Variants in COL4A3 observed in about 807,000 individuals in gnomAD.
COL4A3 encodes collagen alpha-3(IV) chain.
COL4A3 carries 135 observed loss-of-function variants against 217.4 expected under a neutral mutation model. The ratio of observed to expected loss-of-function variants is 0.62; its 90% CI spans 0.54 to 0.72. The LOEUF (loss-of-function observed/expected upper bound fraction) is 0.72, where lower values mean the gene tolerates loss of function less well. Ranked by LOEUF, COL4A3 falls within the 30% of genes least tolerant of loss-of-function variation. COL4A3 has a pLI of 0.00. For synonymous variants in COL4A3, 690 were observed against 736.3 expected (o/e 0.94, Z 1.02); for missense variants, 1,868 against 2,119.9 (o/e 0.88, Z 2.33).
At chr2:227,306,815 G>A (rs1270551605) in intron 47 of COL4A3, among the ~76,000 whole-genome samples, 1 of 152,084 alleles carries the variant, frequency 6.6e-6, no homozygotes, top group African/African-American at 2.4e-5. Flanking sequence ...TCTAACCATC[G>A]CTGTTTTCTC....
rs773021303 is a variant in COL4A3 at position 227,277,440 on chromosome 2, G to C, written c.2021-9G>C. The C allele has an allele frequency of 3.2e-6, 5 of 1,581,026 alleles. No homozygotes were observed. In the Middle Eastern group the frequency reaches 5.0e-4, roughly 158 times the overall value. ...GATGTGGAGATGCATATGTGTATTT[G>C]TTTCTAAGGTATCCCTGGATCCCTG... On this transcript the variant is annotated splice_polypyrimidine_tract_variant and intron_variant, in intron 27 of 51. Coordinates refer to ENST00000396578, the MANE Select transcript of COL4A3 (RefSeq NM_000091.5).
chr2:227,228,090 C>A (rs189355665), intron 1 of COL4A3, among the ~76,000 whole-genome samples: 19 of 152,324 alleles, frequency 1.2e-4, no homozygotes, highest in East Asian at 5.8e-4. Flanking sequence ...TCCAGAAAAT[C>A]AAAAACGGGT....
At chr2:227,232,693 A>G (rs1466077904) in intron 1 of COL4A3, among the ~76,000 whole-genome samples, 1 of 152,052 alleles carries the variant, frequency 6.6e-6, no homozygotes, top group Non-Finnish European at 1.5e-5. Flanking sequence ...GTCTATTCAA[A>G]TCTTTTGCCC....
rs765128550 is a variant in COL4A3, at chr2:227,293,192, G to A, written c.3212G>A (p.Gly1071Glu). ...TAAAGGTATTTGACTACATTTAAGGGGGATCCAGGACTGCCGGGTGATATG... is the reference window on the plus strand; with the variant it reads ...TAAAGGTATTTGACTACATTTAAGGAGGATCCAGGACTGCCGGGTGATATG... ...GTRPGPPGPT[G>E]DPGLPGDMGK... The change falls in exon 38 of 52, where the codon GGG (glycine) becomes GAG (glutamate). Residue 1071 changes from glycine (G) to glutamate (E), a missense_variant and splice_region_variant. By Grantham distance (98) the Gly-to-Glu change is moderately conservative. This residue lies in a region of COL4A3 where 1,503 missense variants were observed against 1,786.1 expected (regional missense o/e 0.84). Transcript: ENST00000396578. The A allele has an allele frequency of 6.2e-7, 1 of 1,613,848 alleles. No homozygotes were observed. Among genetic ancestry groups the A allele is most frequent in the South Asian group, 1.1e-5 (1 of 91,062 alleles).
chr2:227,275,443 A>T (rs1299468916), intron 26 of COL4A3, among the ~76,000 whole-genome samples: 1 of 152,162 alleles, frequency 6.6e-6, no homozygotes, highest in African/African-American at 2.4e-5. Context: ...GGTCTCCCAA[A>T]GTTCTGGGAT....
intron 1 of COL4A3, among the ~76,000 whole-genome samples, chr2:227,193,951 G>GAGGA (rs201604361): frequency 1.3e-4 from 1 of 7,536 alleles, no homozygotes; most frequent in Non-Finnish European, 2.6e-4. Flanking sequence ...GAGAGGGAGG[G>GAGGA]AGGAAGGAAG....
chr2:227,240,143 G>C lies in COL4A3; in HGVS notation c.145G>C (p.Gly49Arg). The change falls in exon 3 of 52, where the codon GGG becomes CGG. Residue 49 changes from glycine to arginine, a missense_variant and splice_region_variant. By Grantham distance (125) the Gly-to-Arg change is moderately radical. Coordinates refer to ENST00000396578, the MANE Select transcript of COL4A3 (RefSeq NM_000091.5). ...TCTCACCTCGTTTTGGTTTTAACAG[G>C]GGGAGAAGGGCTTTCCTGGACCCCC... ...CFCDGAKGEKGEKGFPGPPGS... is the reference protein window; with the variant it reads ...CFCDGAKGEKREKGFPGPPGS... 1 of 1,605,938 alleles carries C rather than the reference G, an allele frequency of 6.2e-7. No individual in the cohort carries two copies. The highest frequency in any genetic ancestry group is 8.5e-7 in the Non-Finnish European group (1 of 1,176,308).
intron 1 of COL4A3, among the ~76,000 whole-genome samples, chr2:227,203,173 ATGTG>A (rs1392379073): frequency 4.1e-5 from 1 of 24,506 alleles, no homozygotes; most frequent in African/African-American, 2.3e-4. Context: ...ATGTGTATAT[ATGTG>A]TATATGTGTG....
chr2:227,298,060 G>A (rs1387342129), intron 42 of COL4A3, among the ~76,000 whole-genome samples: 1 of 152,084 alleles, frequency 6.6e-6, no homozygotes, highest in African/African-American at 2.4e-5. Flanking sequence ...ATAAATTAAC[G>A]AGCCTGGCTG....
chr2:227,243,772 A>G (rs1433563745), intron 3 of COL4A3, among the ~76,000 whole-genome samples: 3 of 152,220 alleles, frequency 2.0e-5, no homozygotes, highest in African/African-American at 7.2e-5. Flanking sequence ...TGCCCAAAGC[A>G]AGTTTATCTC....
chr2:227,243,276 A>T (rs937762055), intron 3 of COL4A3, among the ~76,000 whole-genome samples: 1 of 152,260 alleles, frequency 6.6e-6, no homozygotes, highest in Non-Finnish European at 1.5e-5. Context: ...TGTAAGGCTT[A>T]CAGATATGTA....
Position 227,269,961 on chromosome 2 carries a change from C to T in COL4A3, c.1556C>T (p.Thr519Ile). The T allele has an allele frequency of 6.2e-7, 1 of 1,613,674 alleles. No individual in the cohort carries two copies. The highest frequency in any genetic ancestry group is 8.5e-7 in the Non-Finnish European group (1 of 1,179,688). ...LKGSPGSPGNTGLPGFPGFPG... is the reference protein window; with the variant it reads ...LKGSPGSPGNIGLPGFPGFPG... ...GGAAGCCCAGGGTCCCCAGGAAATA[C>T]AGGTCTTCCAGGATTTCCAGTAAGA... Residue 519 changes from threonine to isoleucine, a missense_variant, in exon 24 of 52, where the codon ACA becomes ATA. By Grantham distance (89) the Thr-to-Ile change is moderately conservative. Around this residue, in one of 2 missense-constraint regions of COL4A3, gnomAD observed 1,503 missense variants for 1,786.1 expected, o/e 0.84. Transcript: ENST00000396578.
chr2:227,303,976 C>G, intron 45 of COL4A3, 43 bp from the exon 46 acceptor site: 1 of 1,614,240 alleles, frequency 6.2e-7, no homozygotes, highest in African/African-American at 1.3e-5. Flanking sequence ...AAAGGTAACA[C>G]ATCCGTGAGG....
intron 1 of COL4A3, among the ~76,000 whole-genome samples, chr2:227,198,569 C>CT (rs1306498936): frequency 2.6e-5 from 4 of 152,058 alleles, no homozygotes; most frequent in African/African-American, 9.7e-5. Flanking sequence ...TTCATCCAGT[C>CT]TTTTTTTAAA....
chr2:227,188,831 A>T (rs1259326129), intron 1 of COL4A3, among the ~76,000 whole-genome samples: 1 of 152,208 alleles, frequency 6.6e-6, no homozygotes. Context: ...AAGACATGAG[A>T]CTGAGCATGA....
At chr2:227,269,113 T>C (rs902384167) in intron 23 of COL4A3, among the ~76,000 whole-genome samples, 6 of 152,218 alleles carry the variant, frequency 3.9e-5, no homozygotes, top group Non-Finnish European at 8.8e-5. Flanking sequence ...CAGAAGGTCA[T>C]TTAAAGGGAT....
intron 20 of COL4A3, among the ~76,000 whole-genome samples, chr2:227,262,328 CA>C (rs907557897): frequency 6.6e-6 from 1 of 152,046 alleles, no homozygotes; most frequent in South Asian, 2.1e-4. Context: ...AACAAACAAA[CA>C]AAAAAACAGG....
Position 227,297,760 on chromosome 2 carries a change from A to G in COL4A3, c.3652A>G (p.Thr1218Ala). 1 of 1,598,876 alleles carries G rather than the reference A, an allele frequency of 6.3e-7. No homozygotes were observed. The highest frequency in any genetic ancestry group is 1.3e-5 in the African/African-American group (1 of 74,942). The change falls in exon 42 of 52, where the codon ACA becomes GCA. Residue 1218 changes from threonine (T) to alanine (A), a missense_variant. Physicochemically the swap from Thr to Ala is moderately conservative, Grantham distance 58 (BLOSUM62 0). This residue lies in a region of COL4A3 where 1,503 missense variants were observed against 1,786.1 expected (regional missense o/e 0.84). Coordinates refer to ENST00000396578, the MANE Select transcript of COL4A3 (RefSeq NM_000091.5). ...AMGDAGPRGPTGIEGFPGPPG... is the reference protein window; with the variant it reads ...AMGDAGPRGPAGIEGFPGPPG... Reference sequence around the variant, plus strand: ...GGGAGATGCTGGACCTCGAGGACCCACAGGCATAGAAGGATTCCCAGGGCC... The same window carrying G: ...GGGAGATGCTGGACCTCGAGGACCCGCAGGCATAGAAGGATTCCCAGGGCC...
chr2:227,266,913 A>T, intron 22 of COL4A3, 80 bp from the exon 23 acceptor site: 1 of 908,966 alleles, frequency 1.1e-6, no homozygotes, highest in Non-Finnish European at 1.8e-6. Context: ...GTAATAAATG[A>T]TAGTGTGGTT....
Sources: gnomAD v4.1 joint callset for allele counts (sites outside exome capture counted in the v4.1 genomes callset) on GRCh38, gnomAD v4.1.1 for gene constraint, gnomAD v4.1.1 regional missense constraint, MANE v1.5 for transcripts, NCBI Gene and HGNC (gene_info 2026-07-23, HGNC 2026-07-21) for gene names.